DIAPH2: variants seen among roughly 807,000 people sequenced by gnomAD.
DIAPH2 encodes protein diaphanous homolog 2.
Under a neutral mutation model 92.7 loss-of-function variants are expected in DIAPH2, and 35 were observed. That is an observed-to-expected ratio of 0.38 (90% confidence interval 0.29 to 0.50). The LOEUF (loss-of-function observed/expected upper bound fraction) is 0.50. Among genes scored for constraint, DIAPH2 ranks in the 20% least tolerant of loss-of-function variants. DIAPH2 has a pLI of 0.94. For missense variants in DIAPH2, 701 were observed against 819.5 expected (o/e 0.86, Z 1.77); for synonymous variants, 301 against 280.4 (o/e 1.07, Z -0.73).
intron 26 of DIAPH2, among the ~76,000 whole-genome samples, chrX:97,486,139 A>T (rs1285279139): frequency 1.8e-5 from 2 of 111,775 alleles, no homozygotes; most frequent in Non-Finnish European, 3.8e-5. Context: ...TACCCGGTGT[A>T]ATTTAAAATA....
intron 23 of DIAPH2, among the ~76,000 whole-genome samples, chrX:97,251,105 A>T (rs1360832813): frequency 8.9e-6 from 1 of 111,850 alleles, no homozygotes; most frequent in Non-Finnish European, 1.9e-5. Context: ...TAGATGGTAT[A>T]GGAGAGAAAA....
chrX:96,887,168 C>G (rs971603590), intron 5 of DIAPH2, among the ~76,000 whole-genome samples: 3 of 111,572 alleles, frequency 2.7e-5, no homozygotes, highest in African/African-American at 9.8e-5. Context: ...GTAAGTAGGT[C>G]TAGATATAAT....
At chrX:97,054,693 G>C (rs1196677325) in intron 17 of DIAPH2, among the ~76,000 whole-genome samples, 2 of 111,708 alleles carry the variant, frequency 1.8e-5, no homozygotes, top group Non-Finnish European at 3.8e-5. Flanking sequence ...TGGGACACCA[G>C]GGTGCTATTA....
intron 26 of DIAPH2, among the ~76,000 whole-genome samples, chrX:97,490,958 T>G (rs1023323128): frequency 1.8e-5 from 2 of 110,530 alleles, no homozygotes; most frequent in Admixed American, 9.6e-5. Context: ...GTTTCCTTAT[T>G]GATTTTTTTT....
At chrX:97,031,096 C>T (rs776892420) in intron 17 of DIAPH2, among the ~76,000 whole-genome samples, 2 of 111,038 alleles carry the variant, frequency 1.8e-5, no homozygotes, top group African/African-American at 6.5e-5. Context: ...TCTGGCTTTT[C>T]AAGGCTCACT....
chrX:96,735,763 T>C lies in DIAPH2; in HGVS notation c.138T>C (p.Ile46=), dbSNP rs1305095685. Residue 46 remains isoleucine, a synonymous_variant, in exon 2 of 27, where the codon ATT becomes ATC. Coordinates refer to ENST00000324765, the MANE Select transcript of DIAPH2 (RefSeq NM_006729.5). Reference sequence around the variant, plus strand: ...TTTCTTTTTGGTTTTAATAGAACATTCAAATAAAAACTTTGGCAGATGATG... The same window carrying C: ...TTTCTTTTTGGTTTTAATAGAACATCCAAATAAAAACTTTGGCAGATGATG... ...EETKNKPKLN[I]QIKTLADDVR... 11 of 1,097,181 alleles carry C rather than the reference T, an allele frequency of 1.0e-5. No individual in the cohort carries two copies. The highest frequency in any genetic ancestry group is 5.4e-5 in the Admixed American group (2 of 37,040). The allele number at this position is 1,097,181 out of a possible 1,213,427, so 90.4% of individuals were successfully genotyped here.
intron 1 of DIAPH2, among the ~76,000 whole-genome samples, chrX:96,722,400 CCTT>C (rs1044958290): frequency 3.6e-5 from 4 of 110,920 alleles, no homozygotes; most frequent in African/African-American, 9.8e-5. Flanking sequence ...TTCGTTCCCT[CCTT>C]CTCTCCTCTT....
chrX:96,789,513 G>A (rs1458624720), intron 4 of DIAPH2, among the ~76,000 whole-genome samples: 1 of 112,074 alleles, frequency 8.9e-6, no homozygotes, highest in Non-Finnish European at 1.9e-5. Context: ...GGCTTGCTAT[G>A]TCCACTTTTC....
At chrX:97,068,493 C>T (rs1371547812) in intron 17 of DIAPH2, among the ~76,000 whole-genome samples, 1 of 110,352 alleles carries the variant, frequency 9.1e-6, no homozygotes, top group East Asian at 2.8e-4. Context: ...CCATCAGGTT[C>T]ATGTGATATT....
At chrX:96,914,584 T>C (rs1177559109) in intron 7 of DIAPH2, among the ~76,000 whole-genome samples, 2 of 111,065 alleles carry the variant, frequency 1.8e-5, no homozygotes, top group Non-Finnish European at 3.8e-5. Context: ...ATGTTGTCAA[T>C]TGTCGTGGCT....
chrX:97,336,393 C>T (rs1361003934), intron 23 of DIAPH2, among the ~76,000 whole-genome samples: 1 of 107,922 alleles, frequency 9.3e-6, no homozygotes, highest in South Asian at 4.1e-4. Context: ...CTACAGGCGC[C>T]CGCCACCACG....
chrX:96,895,561 T>C (rs953979964), intron 5 of DIAPH2, among the ~76,000 whole-genome samples: 3 of 111,990 alleles, frequency 2.7e-5, no homozygotes, highest in African/African-American at 9.7e-5. Context: ...AACTCATCCA[T>C]GCATTCAGGA....
intron 25 of DIAPH2, among the ~76,000 whole-genome samples, chrX:97,393,935 G>A (rs1481531087): frequency 8.9e-6 from 1 of 111,834 alleles, no homozygotes; most frequent in East Asian, 2.8e-4. Flanking sequence ...AGGTACCTTA[G>A]ATTTGATGAA....
At chrX:97,515,976 G>T (rs78565813) in intron 26 of DIAPH2, among the ~76,000 whole-genome samples, 3 of 110,674 alleles carry the variant, frequency 2.7e-5, no homozygotes. Flanking sequence ...CCATAAGGCC[G>T]GGCACCGTGG....
At chrX:96,916,723 A>G in intron 8 of DIAPH2, 149 bp downstream of exon 8, 2 of 586,783 alleles carry the variant, frequency 3.4e-6, no homozygotes, top group Non-Finnish European at 5.0e-6. Context: ...TTGCCTGTTT[A>G]TATTTTGGCT....
intron 24 of DIAPH2, among the ~76,000 whole-genome samples, chrX:97,349,623 C>T (rs1425658002): frequency 9.0e-6 from 1 of 111,269 alleles, no homozygotes; most frequent in Non-Finnish European, 1.9e-5. Context: ...AACAGTTAAA[C>T]AAGCAGCTTT....
At chrX:96,899,150 T>C (rs1186822901) in intron 5 of DIAPH2, among the ~76,000 whole-genome samples, 1 of 110,039 alleles carries the variant, frequency 9.1e-6, no homozygotes, top group Non-Finnish European at 1.9e-5. Context: ...TAGTTTGAAG[T>C]CAGGTAGCGT....
intron 19 of DIAPH2, among the ~76,000 whole-genome samples, chrX:97,097,282 G>C (rs1170719858): frequency 8.9e-6 from 1 of 112,071 alleles, no homozygotes; most frequent in Non-Finnish European, 1.9e-5. Context: ...TGACTCATAA[G>C]AGCAATATGT....
chrX:96,948,459 G>C (rs1324885957), intron 14 of DIAPH2, among the ~76,000 whole-genome samples: 1 of 111,350 alleles, frequency 9.0e-6, no homozygotes, highest in Non-Finnish European at 1.9e-5. Context: ...TGTAATCCTA[G>C]CTACTTGAGA....
Sources: allele counts gnomAD v4.1 joint callset (sites outside exome capture counted in the v4.1 genomes callset), GRCh38; gene constraint gnomAD v4.1.1; transcripts MANE v1.5; gene names NCBI Gene and HGNC (gene_info 2026-07-23, HGNC 2026-07-21).